The following NNT variants were observed in gnomAD, a reference collection of about 807,000 sequenced individuals.
NNT encodes NAD(P) transhydrogenase, mitochondrial.
A neutral mutation model predicts 104.8 loss-of-function variants in NNT; 50 were observed. That is an observed-to-expected ratio of 0.48 (90% CI 0.38 to 0.60). NNT has a LOEUF of 0.60. NNT is among the 20% of genes least tolerant of loss of function. The pLI, the probability that NNT is intolerant of heterozygous loss-of-function variation, is 0.00. For synonymous variants in NNT, 461 were observed against 490.4 expected, an observed-to-expected ratio of 0.94 and a Z score of 0.79; for missense variants, 1,131 against 1,330.7, an observed-to-expected ratio of 0.85 and a Z score of 2.33.
intron 19 of NNT, among the ~76,000 whole-genome samples, chr5:43,687,943 A>G (rs1288822290): frequency 2.0e-5 from 3 of 152,196 alleles, no homozygotes; most frequent in Non-Finnish European, 2.9e-5. Context: ...TTAAAAACAA[A>G]TAAAATTAAA....
intron 19 of NNT, among the ~76,000 whole-genome samples, chr5:43,691,052 C>A (rs1742247013): frequency 6.8e-6 from 1 of 147,140 alleles, no homozygotes; most frequent in African/African-American, 2.6e-5. Context: ...GCCAACTGAT[C>A]CAGAATTTTT....
Position 43,655,925 on chromosome 5 carries a change from A to G in NNT, c.2145A>G (p.Val715=). ...AFHSLVGLAA[V]LTCIAEYIIE... Reference sequence around the variant, plus strand: ...ACAGTTTAGTGGGTTTGGCAGCTGTACTTACTTGCATAGCTGAGTACATTA... The same window carrying G: ...ACAGTTTAGTGGGTTTGGCAGCTGTGCTTACTTGCATAGCTGAGTACATTA... The change falls in exon 15 of 22, where the codon GTA becomes GTG. Residue 715 remains valine (V), a synonymous_variant. Coordinates refer to ENST00000344920, the MANE Select transcript of NNT (RefSeq NM_182977.3). The G allele has an allele frequency of 6.2e-7, 1 of 1,614,200 alleles. No homozygotes were observed. Among genetic ancestry groups the G allele is most frequent in the South Asian group, 1.1e-5 (1 of 91,088 alleles).
chr5:43,669,027 A>G (rs1740882924), intron 17 of NNT, among the ~76,000 whole-genome samples: 2 of 152,064 alleles, frequency 1.3e-5, no homozygotes, highest in South Asian at 2.1e-4. Flanking sequence ...TAGGTATTTT[A>G]TTCTCTTTGA....
In NNT at chr5:43,705,121, T is replaced by G. The variant is rs1743048654; in HGVS notation, c.*717T>G. 1 of 152,170 alleles carries G rather than the reference T, an allele frequency of 6.6e-6. No homozygotes were observed. The highest frequency in any genetic ancestry group is 2.4e-5 in the African/African-American group (1 of 41,452). The allele number at this position is 152,170 out of a possible 1,614,324, so 9.4% of individuals were successfully genotyped here. A position where few individuals can be genotyped will look rare whatever the true frequency, so the allele number is the denominator to read the frequency against. On this transcript the variant is annotated 3_prime_UTR_variant, in exon 22 of 22. Coordinates refer to ENST00000344920, the MANE Select transcript of NNT (RefSeq NM_182977.3). Reference sequence around the variant, plus strand: ...GTAATAGTATTTTTGAAGATCCCATTTCTAATTGGAGATCTCTTTAATTTC... The same window carrying G: ...GTAATAGTATTTTTGAAGATCCCATGTCTAATTGGAGATCTCTTTAATTTC...
Position 43,612,998 on chromosome 5 carries a change from A to G in NNT, c.242A>G (p.Asn81Ser), listed in dbSNP as rs1174029389. 1 of 1,614,146 alleles carries G rather than the reference A, an allele frequency of 6.2e-7. No homozygotes were observed. The highest frequency in any genetic ancestry group is 2.2e-5 in the East Asian group (1 of 44,880). Reference sequence around the variant, plus strand: ...GCATTGTCTCCTGCTGGTGTTCAGAACTTGGTCAAGCAGGGTTTTAATGTT... The same window carrying G: ...GCATTGTCTCCTGCTGGTGTTCAGAGCTTGGTCAAGCAGGGTTTTAATGTT... Reference protein sequence around the residue: ...RVALSPAGVQNLVKQGFNVVV... With the variant: ...RVALSPAGVQSLVKQGFNVVV... The change falls in exon 3 of 22, where the codon AAC (asparagine) becomes AGC (serine). Residue 81 changes from asparagine to serine, a missense_variant. Asn to Ser is a conservative substitution (Grantham distance 46). Coordinates refer to ENST00000344920, the MANE Select transcript of NNT (RefSeq NM_182977.3).
At chr5:43,668,476 C>A (rs1252186203) in intron 17 of NNT, among the ~76,000 whole-genome samples, 2 of 152,118 alleles carry the variant, frequency 1.3e-5, no homozygotes, top group Non-Finnish European at 2.9e-5. Context: ...AGGAAGGGAT[C>A]CAATTTCAGC....
intron 20 of NNT, among the ~76,000 whole-genome samples, chr5:43,701,451 T>C (rs143436941): frequency 2.0e-5 from 3 of 152,314 alleles, no homozygotes; most frequent in East Asian, 3.9e-4. Context: ...CCATGGCACA[T>C]ATGTACCATA....
intron 19 of NNT, among the ~76,000 whole-genome samples, chr5:43,690,465 G>T (rs1263111979): frequency 6.6e-6 from 1 of 152,178 alleles, no homozygotes; most frequent in Non-Finnish European, 1.5e-5. Flanking sequence ...GGAATTAGGA[G>T]ATGCTTATTG....
chr5:43,663,312 G>T (rs1740469557), intron 17 of NNT, among the ~76,000 whole-genome samples: 1 of 151,942 alleles, frequency 6.6e-6, no homozygotes, highest in African/African-American at 2.4e-5. Context: ...ACTTTTTGTT[G>T]GCTTTTGATA....
intron 19 of NNT, among the ~76,000 whole-genome samples, chr5:43,691,397 C>A (rs955216418): frequency 7.2e-5 from 11 of 152,182 alleles, no homozygotes; most frequent in Non-Finnish European, 1.5e-4. Flanking sequence ...AGCCACCATG[C>A]CCGGCCAGAG....
chr5:43,702,574 G>T, intron 20 of NNT, 47 bp from the exon 21 acceptor site: 2 of 1,172,016 alleles, frequency 1.7e-6, no homozygotes, highest in Non-Finnish European at 2.4e-6. Context: ...ATATGTAAAA[G>T]TGACCATTTG....
chr5:43,683,477 G>T (rs1223473057), intron 19 of NNT, among the ~76,000 whole-genome samples: 1 of 152,136 alleles, frequency 6.6e-6, no homozygotes, highest in Non-Finnish European at 1.5e-5. Flanking sequence ...CTTGTCACAG[G>T]CATTCCTGTG....
In NNT at chr5:43,675,567, A is replaced by G. The variant is rs144667849; in HGVS notation, c.2691A>G (p.Thr897=). Residue 897 remains threonine (T), a synonymous_variant, in exon 18 of 22, where the codon ACA becomes ACG. Coordinates refer to ENST00000344920, the MANE Select transcript of NNT (RefSeq NM_182977.3). ...VILGGYGTTS[T]AGGKPMEISG... is the part of the protein sequence containing the mutation. The stretch of plus-strand genomic sequence containing the variant: ...TTGGAGGCTATGGCACCACTTCAAC[A>G]GCTGGTGGAAAACCCATGGAAATTT... The G allele has an allele frequency of 4.3e-6, 7 of 1,613,716 alleles. No homozygotes were observed. The highest frequency in any genetic ancestry group is 5.9e-6 in the Non-Finnish European group (7 of 1,179,920).
At position 43,675,599 on chromosome 5, in the gene NNT, C is replaced by T. The variant is rs1180536763; in HGVS notation, c.2723C>T (p.Thr908Ile). ...AGGKPMEISG[T>I]HTEINLDNAI... ...GGAAAACCCATGGAAATTTCTGGCACACATACGGAAATCAACCTTGACAAT... is the reference window on the plus strand; with the variant it reads ...GGAAAACCCATGGAAATTTCTGGCATACATACGGAAATCAACCTTGACAAT... Residue 908 changes from threonine (T) to isoleucine (I), a missense_variant, in exon 18 of 22, where the codon ACA becomes ATA. Coordinates refer to ENST00000344920, the MANE Select transcript of NNT (RefSeq NM_182977.3). The T allele has an allele frequency of 1.2e-6, 2 of 1,613,066 alleles. No individual in the cohort carries two copies. The highest frequency in any genetic ancestry group is 2.2e-5 in the East Asian group (1 of 44,792).
At chr5:43,633,852 C>G (rs1750806492) in intron 7 of NNT, among the ~76,000 whole-genome samples, 1 of 152,098 alleles carries the variant, frequency 6.6e-6, no homozygotes, top group Non-Finnish European at 1.5e-5. Context: ...AGCTTGGGAA[C>G]TTAACTTTCT....
chr5:43,664,156 A>T (rs1476627759), intron 17 of NNT, among the ~76,000 whole-genome samples: 1 of 152,364 alleles, frequency 6.6e-6, no homozygotes, highest in East Asian at 1.9e-4. Flanking sequence ...ACCCAAGATT[A>T]TAAAAACTGA....
rs978188433 is a variant in NNT, at chr5:43,620,925, T to C, written c.687+1806T>C. Among the ~76,000 whole-genome samples the C allele has an allele frequency of 2.0e-5, 3 of 152,156 alleles. 1 individual carries two copies. In the East Asian group the frequency reaches 5.8e-4, roughly 29 times the overall value. On this transcript the variant is annotated intron_variant, in intron 5 of 21. Coordinates refer to ENST00000344920, the MANE Select transcript of NNT (RefSeq NM_182977.3). ...GCTGTGAATAAAAGATATTAAAAAG[T>C]GAAACAAAAGAGGCTTAAAGAAAAG...
chr5:43,683,667 C>T (rs1741835177), intron 19 of NNT, among the ~76,000 whole-genome samples: 1 of 152,254 alleles, frequency 6.6e-6, no homozygotes, highest in African/African-American at 2.4e-5. Flanking sequence ...TTATTGAGCT[C>T]ATTAGCCATT....
intron 17 of NNT, among the ~76,000 whole-genome samples, chr5:43,666,383 G>A (rs867942067): frequency 4.6e-5 from 7 of 152,302 alleles, no homozygotes; most frequent in South Asian, 4.1e-4. Context: ...TTGCGGTCAG[G>A]AGCTGGAGAC....
Sources: gnomAD v4.1 joint callset for allele counts (sites outside exome capture counted in the v4.1 genomes callset) on GRCh38, gnomAD v4.1.1 for gene constraint, MANE v1.5 for transcripts, NCBI Gene and HGNC (gene_info 2026-07-23, HGNC 2026-07-21) for gene names.